The following ATP9B variants were observed in gnomAD, a reference collection of about 807,000 sequenced individuals.
The protein encoded by ATP9B is ATPase phospholipid transporting 9B.
A neutral mutation model predicts 146.1 loss-of-function variants in ATP9B; 110 were observed. The ratio of observed to expected loss-of-function variants is 0.75; its 90% CI spans 0.65 to 0.88. ATP9B has a LOEUF of 0.88. ATP9B is among the 40% of genes least tolerant of loss of function. ATP9B has a pLI of 0.00. For missense variants in ATP9B, 1,499 were observed against 1,496.4 expected, an observed-to-expected ratio of 1.00 and a Z score of -0.03; for synonymous variants, 604 against 569.7, an observed-to-expected ratio of 1.06 and a Z score of -0.86.
intron 11 of ATP9B, among the ~76,000 whole-genome samples, chr18:79,245,868 TCTGTGCGGAGGGCACCGCTCTACTGA>T (rs2095949630): frequency 3.6e-5 from 2 of 55,316 alleles, no homozygotes; most frequent in African/African-American, 6.6e-5. Flanking sequence ...CGCCCTACTG[TCTGTGCGGAGGGCACCGCTCTACTGA>T]CTGAGGAGGG....
At position 79,377,761 on chromosome 18, in the gene ATP9B, C is replaced by A. The variant is rs1361677756; in HGVS notation, c.*378C>A. 1.4e-5 allele frequency: 3 copies of A among 209,692 alleles called. No individual in the cohort carries two copies. The Admixed American group carries it at 1.6e-4, about 11-fold the overall frequency. The allele number at this position is 209,692 out of a possible 1,614,324, so 13.0% of individuals were successfully genotyped here. A position where few individuals can be genotyped will look rare whatever the true frequency, so the allele number is the denominator to read the frequency against. ...ACGGCCTCTCCCTCTCAGTGTGAGG[C>A]TTCACCCATGCTAGGCAAGCCCAGG... On this transcript the variant is annotated 3_prime_UTR_variant, in exon 30 of 30. Transcript: ENST00000426216.
intron 7 of ATP9B, among the ~76,000 whole-genome samples, chr18:79,166,874 G>C (rs1258039266): frequency 6.6e-6 from 1 of 152,114 alleles, no homozygotes; most frequent in Non-Finnish European, 1.5e-5. Flanking sequence ...TGCCGAGGGT[G>C]AGCCCAGAAC....
In ATP9B at chr18:79,359,404, A is replaced by T. The variant is rs1248114795; in HGVS notation, c.2954A>T (p.Gln985Leu). 1 of 1,614,074 alleles carries T rather than the reference A, an allele frequency of 6.2e-7. No homozygotes were observed. Among genetic ancestry groups the T allele is most frequent in the Non-Finnish European group, 8.5e-7 (1 of 1,179,938 alleles). Residue 985 changes from glutamine (Q) to leucine (L), a missense_variant, in exon 26 of 30, where the codon CAG (glutamine) becomes CTG (leucine). Transcript: ENST00000426216. ...MFPVFSLVLD[Q>L]DVKPEMAMLY... ...CCAGTGTTCTCCTTAGTGCTGGACC[A>T]GGACGTGAAGCCAGAGATGGCGATG...
intron 4 of ATP9B, among the ~76,000 whole-genome samples, chr18:79,116,922 T>TAAAAAAAAAAAAAAAAAATAAAAAA (rs781553384): frequency 1.7e-5 from 1 of 59,828 alleles, no homozygotes; most frequent in African/African-American, 5.0e-5. Flanking sequence ...TAGAGTATAA[T>TAAAAAAAAAAAAAAAAAATAAAAAA]AAAAAAAAAA....
chr18:79,214,100 T>C (rs926078710), intron 11 of ATP9B, 62 bp downstream of exon 11: 13 of 1,238,162 alleles, frequency 1.0e-5, no homozygotes, highest in Non-Finnish European at 1.5e-5. Context: ...TAAGAAAGTC[T>C]GCATAGTTCT....
At position 79,329,179 on chromosome 18, in the gene ATP9B, G is replaced by T; in HGVS notation, c.1812G>T (p.Thr604=). The T allele has an allele frequency of 1.2e-6, 2 of 1,610,360 alleles. No individual in the cohort carries two copies. The change falls in exon 16 of 30, where the codon ACG becomes ACT. Residue 604 remains threonine (T), a synonymous_variant. Transcript: ENST00000426216. ...LVQWTESVGL[T]LVSRDLTSMQ... is the part of the protein sequence containing the mutation. ...AGTGGACAGAGAGTGTGGGCCTCAC[G>T]CTGGTCAGCAGGGACCTCACCTCCA...
intron 15 of ATP9B, among the ~76,000 whole-genome samples, chr18:79,314,004 T>C (rs992658271): frequency 1.3e-5 from 2 of 152,186 alleles, no homozygotes; most frequent in Admixed American, 6.5e-5. Context: ...TGCAGTTAGG[T>C]TGACGGATGA....
intron 15 of ATP9B, among the ~76,000 whole-genome samples, chr18:79,322,018 C>T (rs958845646): frequency 6.6e-6 from 1 of 152,236 alleles, no homozygotes; most frequent in Non-Finnish European, 1.5e-5. Flanking sequence ...GGTAGAGCTA[C>T]ACCCTCACTT....
intron 12 of ATP9B, among the ~76,000 whole-genome samples, chr18:79,276,499 A>G (rs1220242804): frequency 6.6e-6 from 1 of 152,242 alleles, no homozygotes; most frequent in Non-Finnish European, 1.5e-5. Flanking sequence ...CCCATTGGTC[A>G]TGGTAAAACA....
chr18:79,342,226 T>C, intron 19 of ATP9B, 42 bp from the exon 20 acceptor site: 1 of 1,469,624 alleles, frequency 6.8e-7, no homozygotes, highest in East Asian at 2.3e-5. Context: ...AATGAACGTG[T>C]CCTTGTCTTG....
At chr18:79,176,082 T>C (rs2147938192) in intron 7 of ATP9B, among the ~76,000 whole-genome samples, 1 of 152,366 alleles carries the variant, frequency 6.6e-6, no homozygotes, top group Non-Finnish European at 1.5e-5. Flanking sequence ...TTTGCTTTAC[T>C]TTCTTCTCTC....
At chr18:79,282,130 A>T (rs1472621126) in intron 13 of ATP9B, among the ~76,000 whole-genome samples, 1 of 152,156 alleles carries the variant, frequency 6.6e-6, no homozygotes, top group Non-Finnish European at 1.5e-5. Flanking sequence ...TCAGGATGAA[A>T]CTCGAACAGA....
intron 11 of ATP9B, among the ~76,000 whole-genome samples, chr18:79,219,543 TGAAAA>T (rs72449569): frequency 0.22 from 33,504 of 151,892 alleles, 3,968 homozygotes; most frequent in African/African-American, 0.31. Flanking sequence ...ATAAGATTAC[TGAAAA>T]GAAAATCATA....
intron 7 of ATP9B, among the ~76,000 whole-genome samples, chr18:79,168,087 G>C (rs1488835467): frequency 2.6e-5 from 4 of 152,198 alleles, no homozygotes; most frequent in African/African-American, 4.8e-5. Context: ...GCAGCCCTAG[G>C]CACACCTCCC....
intron 15 of ATP9B, among the ~76,000 whole-genome samples, chr18:79,312,695 T>G (rs952427573): frequency 1.3e-5 from 2 of 152,144 alleles, no homozygotes; most frequent in Non-Finnish European, 2.9e-5. Context: ...GTAAAACACA[T>G]CTGTAGGAAT....
chr18:79,228,019 A>G (rs2148547697), intron 11 of ATP9B, among the ~76,000 whole-genome samples: 1 of 148,306 alleles, frequency 6.7e-6, no homozygotes, highest in African/African-American at 2.4e-5. Context: ...AGACAAAAAC[A>G]TTAGGCATTT....
At chr18:79,365,029 CA>C (rs78974768) in intron 26 of ATP9B, among the ~76,000 whole-genome samples, 7 of 144,928 alleles carry the variant, frequency 4.8e-5, no homozygotes, top group Admixed American at 2.7e-4. Context: ...GACCTTGTCT[CA>C]AAAAAAAAAA....
At chr18:79,330,153 G>A (rs2096782383) in intron 17 of ATP9B, 49 bp downstream of exon 17, 2 of 1,527,160 alleles carry the variant, frequency 1.3e-6, no homozygotes, top group African/African-American at 1.4e-5. Flanking sequence ...TGGAAGAGGA[G>A]GTATGTGAGT....
intron 26 of ATP9B, among the ~76,000 whole-genome samples, chr18:79,370,707 C>T (rs1600469645): frequency 6.6e-6 from 1 of 152,238 alleles, no homozygotes; most frequent in Non-Finnish European, 1.5e-5. Flanking sequence ...ATATCATCTG[C>T]TTCAATATGG....
Sources: gnomAD v4.1 joint callset for allele counts (sites outside exome capture counted in the v4.1 genomes callset) on GRCh38, gnomAD v4.1.1 for gene constraint, MANE v1.5 for transcripts, NCBI Gene and HGNC (gene_info 2026-07-23, HGNC 2026-07-21) for gene names.